Variants in GUF1 observed in about 807,000 individuals in gnomAD.
GUF1 encodes the protein GTP binding elongation factor GUF1, also known as translation factor GUF1, mitochondrial.
Under a neutral mutation model 82.4 loss-of-function variants are expected in GUF1, and 78 were observed. The observed-to-expected ratio is 0.95, with a 90% confidence interval of 0.79 to 1.14. The LOEUF (loss-of-function observed/expected upper bound fraction) is 1.14, where lower values mean the gene tolerates loss of function less well. GUF1 is among the 50% of genes most tolerant of loss of function. The probability of loss-of-function intolerance (pLI) is 0.00; values close to 1 mark genes in which losing one functional copy is unlikely to be tolerated. For synonymous variants in GUF1, 279 were observed against 282.3 expected (o/e 0.99, Z 0.12); for missense variants, 814 against 798.2 (o/e 1.02, Z -0.24).
Position 44,698,246 on chromosome 4 carries a change from C to A in GUF1, c.1873-298C>A, listed in dbSNP as rs550786251. ...GTGATTAAGAGTTACCTATATTAGA[C>A]TGTGGCTTTCTAGTCAAAATTCCAA... On this transcript the variant is annotated intron_variant, in intron 16 of 16. Coordinates refer to ENST00000281543, the MANE Select transcript of GUF1 (RefSeq NM_021927.3). Among the ~76,000 whole-genome samples, 48 of 152,242 alleles carry A rather than the reference C, an allele frequency of 3.2e-4. No homozygotes were observed. In the Middle Eastern group the frequency reaches 0.01, roughly 32 times the overall value.
At chr4:44,691,155 A>T (rs886146466) in intron 12 of GUF1, among the ~76,000 whole-genome samples, 1 of 151,684 alleles carries the variant, frequency 6.6e-6, no homozygotes, top group Admixed American at 6.6e-5. Flanking sequence ...AGTAGTTTGA[A>T]AGATAATTAT....
rs1329004069 is a variant in GUF1, at chr4:44,681,187, T to C, written c.491T>C (p.Val164Ala). ...TCTGCTTGCCAGGGTGTTTTACTTG[T>C]GGTTGATGCAAATGAGGTAGGTATT... The part of the protein sequence containing the change: ...SLSACQGVLL[V>A]VDANEGIQAQ... Residue 164 changes from valine to alanine, a missense_variant, in exon 4 of 17, where the codon GTG becomes GCG. Transcript: ENST00000281543. The C allele has an allele frequency of 1.2e-6, 2 of 1,611,992 alleles. No homozygotes were observed. Among genetic ancestry groups the C allele is most frequent in the Admixed American group, 1.7e-5 (1 of 59,982 alleles).
chr4:44,679,303 C>T (rs183268759), intron 1 of GUF1, among the ~76,000 whole-genome samples: 5 of 152,238 alleles, frequency 3.3e-5, no homozygotes, highest in Non-Finnish European at 7.4e-5. Flanking sequence ...AGGAAGTTCT[C>T]GGTCTGTCTT....
Position 44,690,848 on chromosome 4 carries a change from G to A in GUF1, c.1467G>A (p.Met489Ile). The change falls in exon 12 of 17, where the codon ATG (methionine) becomes ATA (isoleucine). Residue 489 changes from methionine to isoleucine, a missense_variant. Coordinates refer to ENST00000281543, the MANE Select transcript of GUF1 (RefSeq NM_021927.3). Reference sequence around the variant, plus strand: ...CAGATGAATACACTGGAAAAATAATGATGCTTTGCGAGGTATAACTATAAT... The same window carrying A: ...CAGATGAATACACTGGAAAAATAATAATGCTTTGCGAGGTATAACTATAAT... Reference protein sequence around the residue: ...ITPDEYTGKIMMLCEARRAVQ... With the variant: ...ITPDEYTGKIIMLCEARRAVQ... 2 of 1,593,506 alleles carry A rather than the reference G, an allele frequency of 1.3e-6. No individual in the cohort carries two copies. The highest frequency in any genetic ancestry group is 1.7e-6 in the Non-Finnish European group (2 of 1,169,272).
chr4:44,683,194 A>C lies in GUF1; in HGVS notation c.586-41A>C, dbSNP rs761089342. ...ATACTGTTAATACATAATACATCTT[A>C]TCTTTATTATACTTCACATAATGGA... On this transcript the variant is annotated intron_variant, in intron 5 of 16. Transcript: ENST00000281543. The C allele has an allele frequency of 1.0e-5, 12 of 1,167,744 alleles. 2 individuals carry two copies. The highest frequency in any genetic ancestry group is 1.4e-5 in the Non-Finnish European group (12 of 846,064). The allele number at this position is 1,167,744 out of a possible 1,614,324, so 72.3% of individuals were successfully genotyped here.
intron 13 of GUF1, among the ~76,000 whole-genome samples, chr4:44,693,160 T>TA (rs1353179504): frequency 6.6e-6 from 1 of 152,016 alleles, no homozygotes; most frequent in Non-Finnish European, 1.5e-5. Context: ...GGAAAAAACT[T>TA]ATTTCATACC....
rs1286270031 is a variant in GUF1 at position 44,699,932 on chromosome 4, GTTAAC to G, written c.*1254_*1258del. ...TCATAATCGAAGCGATTTTAGAGTA[GTTAAC>G]TTGAGATTTCACAGCCAGTAAATGG... On this transcript the variant is annotated 3_prime_UTR_variant, in exon 17 of 17. Transcript: ENST00000281543. The G allele has an allele frequency of 6.6e-6, 1 of 152,166 alleles. No homozygotes were observed. The highest frequency in any genetic ancestry group is 6.5e-5 in the Admixed American group (1 of 15,284). 9.4% of individuals were successfully genotyped at this position (152,166 alleles called of 1,614,324 possible).
chr4:44,683,000 G>A (rs201215988), intron 5 of GUF1, among the ~76,000 whole-genome samples: 2 of 151,814 alleles, frequency 1.3e-5, no homozygotes, highest in East Asian at 3.9e-4. Flanking sequence ...CTGCTGCCCT[G>A]GGTAGCTAAC....
At chr4:44,693,280 A>G (rs58723081) in intron 13 of GUF1, among the ~76,000 whole-genome samples, 4,383 of 152,164 alleles carry the variant, frequency 0.029, 198 homozygotes, top group African/African-American at 0.1. Flanking sequence ...TTAGGTATCA[A>G]TTGGACTGCT....
Position 44,689,966 on chromosome 4 carries a change from A to C in GUF1, c.1326A>C (p.Lys442Asn). 1 of 1,571,880 alleles carries C rather than the reference A, an allele frequency of 6.4e-7. No individual in the cohort carries two copies. The highest frequency in any genetic ancestry group is 8.7e-7 in the Non-Finnish European group (1 of 1,154,378). The change falls in exon 11 of 17, where the codon AAA (lysine) becomes AAC (asparagine). Residue 442 changes from lysine (K) to asparagine (N), a missense_variant. Physicochemically the swap from Lys to Asn is moderately conservative, Grantham distance 94. Transcript: ENST00000281543. ...ATAAAGCTGTACTGTCATCATCAAA[A>C]TTGATAAAGGTACTTGGTATTTAGT... The part of the protein sequence containing the change: ...VPYKAVLSSS[K>N]LIKEHREKEI...
chr4:44,688,063 A>C lies in GUF1; in HGVS notation c.995A>C (p.Gln332Pro), dbSNP rs746503211. The change falls in exon 9 of 17, where the codon CAA (glutamine) becomes CCA (proline). Residue 332 changes from glutamine to proline, a missense_variant. Physicochemically the swap from Gln to Pro is moderately conservative, Grantham distance 76. Transcript: ENST00000281543. Reference sequence around the variant, plus strand: ...GGGATGAAAGATGTCACTGAAGCGCAAATAGGAGATACATTATGTTTACAT... The same window carrying C: ...GGGATGAAAGATGTCACTGAAGCGCCAATAGGAGATACATTATGTTTACAT... The part of the protein sequence containing the change: ...IAGMKDVTEA[Q>P]IGDTLCLHKQ... 2 of 1,612,498 alleles carry C rather than the reference A, an allele frequency of 1.2e-6. No homozygotes were observed. The highest frequency in any genetic ancestry group is 3.3e-5 in the Admixed American group (2 of 59,928).
At chr4:44,698,400 G>T in intron 16 of GUF1, 144 bp from the exon 17 acceptor site, 1 of 575,064 alleles carries the variant, frequency 1.7e-6, no homozygotes, top group Non-Finnish European at 3.0e-6. Flanking sequence ...AGTAAAATTA[G>T]ATCTGCTAGG....
At chr4:44,689,107 A>G (rs1363416943) in intron 9 of GUF1, among the ~76,000 whole-genome samples, 179 bp from the exon 10 acceptor site, 2 of 151,792 alleles carry the variant, frequency 1.3e-5, no homozygotes, top group East Asian at 3.9e-4. Flanking sequence ...ATGACTTGTA[A>G]GATACTTTGA....
In GUF1 at chr4:44,686,570, G is replaced by T; in HGVS notation, c.795G>T (p.Gln265His). 1 of 1,612,554 alleles carries T rather than the reference G, an allele frequency of 6.2e-7. No individual in the cohort carries two copies. ...RALVFDSTFD[Q>H]YRGVIANVAL... is the part of the protein sequence containing the mutation. ...TGGTATTTGACTCCACCTTTGACCAGTATAGAGGTGTGATAGCCAATGTAG... is the reference window on the plus strand; with the variant it reads ...TGGTATTTGACTCCACCTTTGACCATTATAGAGGTGTGATAGCCAATGTAG... Residue 265 changes from glutamine (Q) to histidine (H), a missense_variant, in exon 8 of 17, where the codon CAG becomes CAT. Coordinates refer to ENST00000281543, the MANE Select transcript of GUF1 (RefSeq NM_021927.3).
intron 1 of GUF1, among the ~76,000 whole-genome samples, chr4:44,679,820 T>TTGTG (rs1714660303): frequency 6.6e-6 from 1 of 152,156 alleles, no homozygotes; most frequent in South Asian, 2.1e-4. Context: ...TTCTAGCAAT[T>TTGTG]TGTGATGTGT....
chr4:44,682,302 C>T lies in GUF1; in HGVS notation c.508-32C>T, dbSNP rs756192732. 33 of 1,218,708 alleles carry T rather than the reference C, an allele frequency of 2.7e-5. 1 individual carries two copies. The East Asian group carries it at 8.7e-4, about 32-fold the overall frequency. The allele number at this position is 1,218,708 out of a possible 1,614,324, so 75.5% of individuals were successfully genotyped here. A position where few individuals can be genotyped will look rare whatever the true frequency, so the allele number is the denominator to read the frequency against. ...GTTTTGTGATATATAATAGAATGGT[C>T]ATCTCAGTATCTTGTATCTTGATAT... On this transcript the variant is annotated intron_variant, in intron 4 of 16. Transcript: ENST00000281543.
rs776711131 is a variant in GUF1, at chr4:44,683,224, T to G, written c.586-11T>G. On this transcript the variant is annotated splice_polypyrimidine_tract_variant and intron_variant, in intron 5 of 16. Coordinates refer to ENST00000281543, the MANE Select transcript of GUF1 (RefSeq NM_021927.3). ...TATTATACTTCACATAATGGATTTTTTTTTTTAAAGATAGATCTGAAGAAT... is the reference window on the plus strand; with the variant it reads ...TATTATACTTCACATAATGGATTTTGTTTTTTAAAGATAGATCTGAAGAAT... 1 of 1,521,252 alleles carries G rather than the reference T, an allele frequency of 6.6e-7. No individual in the cohort carries two copies. The highest frequency in any genetic ancestry group is 8.9e-7 in the Non-Finnish European group (1 of 1,117,790). 94.2% of individuals were successfully genotyped at this position (1,521,252 alleles called of 1,614,324 possible).
At chr4:44,697,052 GTTAA>G (rs1358535801) in intron 15 of GUF1, among the ~76,000 whole-genome samples, 1 of 152,118 alleles carries the variant, frequency 6.6e-6, no homozygotes, top group African/African-American at 2.4e-5. Flanking sequence ...AAGTAGTAGT[GTTAA>G]TTTTTAGATT....
chr4:44,686,849 A>G (rs895977447), intron 8 of GUF1, 136 bp downstream of exon 8: 1 of 621,138 alleles, frequency 1.6e-6, no homozygotes, highest in East Asian at 2.7e-5. Flanking sequence ...TATACAGTAA[A>G]TGCTCTGTCA....
Sources: allele counts gnomAD v4.1 joint callset (sites outside exome capture counted in the v4.1 genomes callset), GRCh38; gene constraint gnomAD v4.1.1; transcripts MANE v1.5; gene names NCBI Gene and HGNC (gene_info 2026-07-23, HGNC 2026-07-21).